Variants in CSNK1D observed in about 807,000 individuals in gnomAD.
CSNK1D encodes casein kinase I isoform delta.
Under a neutral mutation model 46.6 loss-of-function variants are expected in CSNK1D, and 16 were observed. The observed-to-expected ratio is 0.34, with a 90% CI of 0.23 to 0.52. CSNK1D has a LOEUF of 0.52. Among genes scored for constraint, CSNK1D ranks in the 20% least tolerant of loss-of-function variants. The probability of loss-of-function intolerance (pLI) is 0.95; values close to 1 mark genes in which losing one functional copy is unlikely to be tolerated. For synonymous variants in CSNK1D, 276 were observed against 228.2 expected (o/e 1.21, Z -1.89); for missense variants, 398 against 578.4 (o/e 0.69, Z 3.20).
chr17:82,258,410 G>T (rs540560702), intron 2 of CSNK1D, among the ~76,000 whole-genome samples: 67 of 151,976 alleles, frequency 4.4e-4, no homozygotes, highest in Non-Finnish European at 8.8e-4. Flanking sequence ...CTGCGTCACA[G>T]TCGAGCATCC....
At position 82,244,755 on chromosome 17, in the gene CSNK1D, G is replaced by T. The variant is rs780889800; in HGVS notation, c.*26C>A. Reference sequence around the variant, plus strand: ...AGAGTAGATCAGCCATGCATTGTCTGCCCTTCACAGCAATAAGGAGAGTTC... The same window carrying T: ...AGAGTAGATCAGCCATGCATTGTCTTCCCTTCACAGCAATAAGGAGAGTTC... On this transcript the variant is annotated 3_prime_UTR_variant, in exon 9 of 9. Coordinates refer to ENST00000314028, the MANE Select transcript of CSNK1D (RefSeq NM_001893.6). 4.3e-6 allele frequency: 7 copies of T among 1,613,776 alleles called. No homozygotes were observed. In the Admixed American group the frequency reaches 1.2e-4, roughly 27 times the overall value.
intron 1 of CSNK1D, among the ~76,000 whole-genome samples, chr17:82,270,824 G>A (rs1171791156): frequency 2.0e-5 from 3 of 152,004 alleles, no homozygotes; most frequent in East Asian, 3.9e-4. Flanking sequence ...TGTCTGGGAC[G>A]GCTGTCTGGG....
Position 82,255,675 on chromosome 17 carries a change from C to T in CSNK1D, c.188-98G>A, listed in dbSNP as rs925033422. Reference sequence around the variant, plus strand: ...ACACCAAGGGGTCATGGTGACAATCCTGAACGGGGGAGGGGTGGTGGAGGT... The same window carrying T: ...ACACCAAGGGGTCATGGTGACAATCTTGAACGGGGGAGGGGTGGTGGAGGT... On this transcript the variant is annotated intron_variant, in intron 2 of 8. Transcript: ENST00000314028. The surrounding 1 kb of genome is among the most constrained non-coding windows in gnomAD (Gnocchi z 5.9). 1.8e-5 allele frequency: 26 copies of T among 1,475,430 alleles called. No individual in the cohort carries two copies. The highest frequency in any genetic ancestry group is 2.4e-5 in the Non-Finnish European group (25 of 1,058,702). The allele number at this position is 1,475,430 out of a possible 1,614,324, so 91.4% of individuals were successfully genotyped here. A position where few individuals can be genotyped will look rare whatever the true frequency, so the allele number is the denominator to read the frequency against.
Position 82,248,118 on chromosome 17 carries a change from C to T in CSNK1D, c.1197+757G>A. 6 of 985,530 alleles carry T rather than the reference C, an allele frequency of 6.1e-6. No homozygotes were observed. Among genetic ancestry groups the T allele is most frequent in the Non-Finnish European group, 7.2e-6 (6 of 829,984 alleles). 61.0% of individuals were successfully genotyped at this position (985,530 alleles called of 1,614,324 possible). Reference sequence around the variant, plus strand: ...ACCCGTGGGGGATCTGGGCACCCCCCAGGATGCCTGCTGGTGAAACAGCCC... The same window carrying T: ...ACCCGTGGGGGATCTGGGCACCCCCTAGGATGCCTGCTGGTGAAACAGCCC... On this transcript the variant is annotated intron_variant, in intron 8 of 8. Transcript: ENST00000314028. The surrounding 1 kb of genome is among the most constrained non-coding windows in gnomAD (Gnocchi z 4.1).
intron 1 of CSNK1D, chr17:82,271,930 T>G (rs904330952): frequency 6.6e-6 from 1 of 152,188 alleles, no homozygotes; most frequent in Non-Finnish European, 1.5e-5. Context: ...ACAGCTCCCC[T>G]CAAAGGTCTG....
In CSNK1D at chr17:82,252,889, G is replaced by A. The variant is rs1357515356; in HGVS notation, c.565+127C>T. 9.9e-6 allele frequency: 9 copies of A among 904,550 alleles called. No homozygotes were observed. Among genetic ancestry groups the A allele is most frequent in the South Asian group, 7.0e-5 (5 of 71,858 alleles). The allele number at this position is 904,550 out of a possible 1,614,324, so 56.0% of individuals were successfully genotyped here. On this transcript the variant is annotated intron_variant, in intron 4 of 8. Transcript: ENST00000314028. The surrounding 1 kb of genome is among the most constrained non-coding windows in gnomAD (Gnocchi z 4.6). ...ACACCTGGCAGTCACGAGCCAGCCTGTCTGCCGCAAAGGTCTGATGACACG... is the reference window on the plus strand; with the variant it reads ...ACACCTGGCAGTCACGAGCCAGCCTATCTGCCGCAAAGGTCTGATGACACG...
At chr17:82,240,826 G>T (rs142676924), downstream of CSNK1D, among the ~76,000 whole-genome samples, 4 of 152,298 alleles carry the variant, frequency 2.6e-5, no homozygotes, top group East Asian at 7.7e-4. Context: ...TGTGCCGCAG[G>T]GTGGGCGTGA....
Position 82,249,314 on chromosome 17 carries a change from T to A in CSNK1D, c.1057+117A>T. ...GCTCATCCACCCTCAGGAGCGAGCATCGCCTGACACAGGGCACTTAGTGTC... is the reference window on the plus strand; with the variant it reads ...GCTCATCCACCCTCAGGAGCGAGCAACGCCTGACACAGGGCACTTAGTGTC... On this transcript the variant is annotated intron_variant, in intron 7 of 8. Transcript: ENST00000314028. The surrounding 1 kb of genome is among the most constrained non-coding windows in gnomAD (Gnocchi z 6.7). 1 of 1,128,906 alleles carries A rather than the reference T, an allele frequency of 8.9e-7. No homozygotes were observed. The highest frequency in any genetic ancestry group is 1.3e-6 in the Non-Finnish European group (1 of 793,444). 69.9% of individuals were successfully genotyped at this position (1,128,906 alleles called of 1,614,324 possible).
intron 8 of CSNK1D, chr17:82,246,096 G>C: frequency 6.4e-7 from 1 of 1,569,922 alleles, no homozygotes; most frequent in South Asian, 1.2e-5. Flanking sequence ...CTGACTACCT[G>C]TGTCGGCTCC....
intron 2 of CSNK1D, among the ~76,000 whole-genome samples, chr17:82,256,081 C>G (rs938584182): frequency 6.6e-6 from 1 of 152,180 alleles, no homozygotes; most frequent in South Asian, 2.1e-4. Flanking sequence ...GCAATGAAAA[C>G]TTTTTGGGGA....
Position 82,255,407 on chromosome 17 carries a change from A to C in CSNK1D, c.336+22T>G, listed in dbSNP as rs759476027. On this transcript the variant is annotated intron_variant, in intron 3 of 8. Coordinates refer to ENST00000314028, the MANE Select transcript of CSNK1D (RefSeq NM_001893.6). This position sits in a 1 kb window ranked among gnomAD's most constrained non-coding sequence, Gnocchi z 5.9. ...TCTATCAGACAGCAAGTGTGTGCCA[A>C]CTGTCAGGAAACAGTCCTTACCATT... is the stretch of plus-strand genomic sequence containing the variant. 3.7e-6 allele frequency: 6 copies of C among 1,614,006 alleles called. No homozygotes were observed. Among genetic ancestry groups the C allele is most frequent in the African/African-American group, 1.3e-5 (1 of 75,050 alleles).
chr17:82,243,552 C>T lies in CSNK1D; in HGVS notation c.*1229G>A, dbSNP rs1190525730. 1.4e-5 allele frequency: 14 copies of T among 985,368 alleles called. No individual in the cohort carries two copies. Among genetic ancestry groups the T allele is most frequent in the East Asian group, 1.1e-4 (1 of 8,824 alleles). 61.0% of individuals were successfully genotyped at this position (985,368 alleles called of 1,614,324 possible). On this transcript the variant is annotated 3_prime_UTR_variant, in exon 9 of 9. Coordinates refer to ENST00000314028, the MANE Select transcript of CSNK1D (RefSeq NM_001893.6). ...CTGCTTCACTTCTGACCAACAGACA[C>T]GCGCCCAACAGAAGGTCACAGCGCA...
Position 82,270,870 on chromosome 17 carries a change from C to T in CSNK1D, c.76+2436G>A, listed in dbSNP as rs193058593. On this transcript the variant is annotated intron_variant, in intron 1 of 8. Coordinates refer to ENST00000314028, the MANE Select transcript of CSNK1D (RefSeq NM_001893.6). ...CCAGGGTGTCAGAGCCACAGCCGCC[C>T]GCAATCCCGTATCCAGCATGACTGT... 1.7e-4 allele frequency among the ~76,000 whole-genome samples: 26 copies of T among 152,296 alleles called. 1 individual carries two copies. In the South Asian group the frequency reaches 2.7e-3, roughly 16 times the overall value.
At position 82,251,715 on chromosome 17, in the gene CSNK1D, G is replaced by A; in HGVS notation, c.737-188C>T. ...CGAAAAGTATTCAAGTCACGGCCGG[G>A]TGCGGCGGCTCACGCCTGTCACCCC... On this transcript the variant is annotated intron_variant, in intron 5 of 8. Coordinates refer to ENST00000314028, the MANE Select transcript of CSNK1D (RefSeq NM_001893.6). This position sits in a 1 kb window ranked among gnomAD's most constrained non-coding sequence, Gnocchi z 4.5. 2 of 699,158 alleles carry A rather than the reference G, an allele frequency of 2.9e-6. No homozygotes were observed. The highest frequency in any genetic ancestry group is 5.0e-6 in the Non-Finnish European group (2 of 396,580). 43.3% of individuals were successfully genotyped at this position (699,158 alleles called of 1,614,324 possible). A position where few individuals can be genotyped will look rare whatever the true frequency, so the allele number is the denominator to read the frequency against.
Position 82,242,777 on chromosome 17 carries a change from C to T in CSNK1D, c.*2004G>A, listed in dbSNP as rs556905303. 34 of 985,290 alleles carry T rather than the reference C, an allele frequency of 3.5e-5. No individual in the cohort carries two copies. Among genetic ancestry groups the T allele is most frequent in the Non-Finnish European group, 4.0e-5 (33 of 829,798 alleles). The allele number at this position is 985,290 out of a possible 1,614,324, so 61.0% of individuals were successfully genotyped here. A position where few individuals can be genotyped will look rare whatever the true frequency, so the allele number is the denominator to read the frequency against. On this transcript the variant is annotated 3_prime_UTR_variant, in exon 9 of 9. Coordinates refer to ENST00000314028, the MANE Select transcript of CSNK1D (RefSeq NM_001893.6). ...ACTGGCCGTCAGTGCACAGCTGACA[C>T]GACGTCCTACCTACGTCTCCTGCAC...
downstream of CSNK1D, chr17:82,239,801 T>C (rs2050714058): frequency 2.5e-6 from 1 of 401,642 alleles, no homozygotes; most frequent in African/African-American, 2.0e-5. Context: ...TTCGCCCCTC[T>C]GCCTGGCTGG....
At chr17:82,263,399 C>T (rs2051388989) in intron 2 of CSNK1D, among the ~76,000 whole-genome samples, 1 of 152,208 alleles carries the variant, frequency 6.6e-6, no homozygotes, top group South Asian at 2.1e-4. Context: ...CATGAAGGTG[C>T]AGGCTTCTTT....
At chr17:82,240,295 C>T (rs1365876990), downstream of CSNK1D, among the ~76,000 whole-genome samples, 2 of 152,196 alleles carry the variant, frequency 1.3e-5, no homozygotes, top group Non-Finnish European at 2.9e-5. Context: ...CCACCAGTCC[C>T]ACCCAGCAGC....
chr17:82,273,624 C>G lies in CSNK1D; in HGVS notation c.-243G>C, dbSNP rs2051702019. On this transcript the variant is annotated 5_prime_UTR_variant, in exon 1 of 9. Transcript: ENST00000314028. This position sits in a 1 kb window ranked among gnomAD's most constrained non-coding sequence, Gnocchi z 5.1. ...CCTACCGGTCCCGCTTGCCCTCTCC[C>G]CGCCGCGGATGGACTCGGATCTTCC... 1.8e-6 allele frequency: 1 copy of G among 552,068 alleles called. No individual in the cohort carries two copies. The highest frequency in any genetic ancestry group is 2.3e-5 in the South Asian group (1 of 43,624). The allele number at this position is 552,068 out of a possible 1,614,324, so 34.2% of individuals were successfully genotyped here.
Sources: gnomAD v4.1 joint callset for allele counts (sites outside exome capture counted in the v4.1 genomes callset) on GRCh38, gnomAD v4.1.1 for gene constraint, Gnocchi (gnomAD v3.1) non-coding constraint, MANE v1.5 for transcripts, NCBI Gene and HGNC (gene_info 2026-07-23, HGNC 2026-07-21) for gene names.